Variants in AMPH observed in about 807,000 individuals in gnomAD.
The protein encoded by AMPH is amphiphysin.
A neutral mutation model predicts 99.1 loss-of-function variants in AMPH; 49 were observed. That is an observed-to-expected ratio of 0.49 (90% CI 0.39 to 0.63). The LOEUF is 0.63. AMPH is among the 20% of genes least tolerant of loss of function. The pLI is 0.00. For synonymous variants in AMPH, 314 were observed against 317.3 expected, an observed-to-expected ratio of 0.99 and a Z score of 0.11; for missense variants, 759 against 863.4, an observed-to-expected ratio of 0.88 and a Z score of 1.52.
intron 7 of AMPH, among the ~76,000 whole-genome samples, chr7:38,470,611 A>G (rs1787848088): frequency 6.6e-6 from 1 of 152,018 alleles, no homozygotes; most frequent in Non-Finnish European, 1.5e-5. Context: ...TAGTGCTCTC[A>G]AAGGTTCTGC....
rs761970943 is a variant in AMPH, at chr7:38,584,775, C to T, written c.69+46508G>A. 3.3e-5 allele frequency among the ~76,000 whole-genome samples: 5 copies of T among 152,354 alleles called. 1 individual carries two copies. The highest frequency in any genetic ancestry group is 4.1e-4 in the South Asian group (2 of 4,830). On this transcript the variant is annotated intron_variant, in intron 1 of 20. Coordinates refer to ENST00000356264, the MANE Select transcript of AMPH (RefSeq NM_001635.4). ...TCCGGGGCACACGGCCTGATTCCATCACTGCCTCAGCAGAGACCTGAGCAG... is the reference window on the plus strand; with the variant it reads ...TCCGGGGCACACGGCCTGATTCCATTACTGCCTCAGCAGAGACCTGAGCAG...
At chr7:38,535,703 A>T (rs4723767) in intron 1 of AMPH, among the ~76,000 whole-genome samples, 146,492 of 152,260 alleles carry the variant, frequency 0.96, 70,524 homozygotes, top group East Asian at 1. Context: ...CTGTGACAGA[A>T]CATCAGGTAT....
chr7:38,483,028 A>T (rs1032572226), intron 5 of AMPH, among the ~76,000 whole-genome samples: 4 of 152,106 alleles, frequency 2.6e-5, no homozygotes, highest in African/African-American at 9.7e-5. Context: ...AAGCAGGAAA[A>T]GGGGAGCTAC....
intron 11 of AMPH, among the ~76,000 whole-genome samples, chr7:38,459,060 C>T (rs764935079): frequency 2.6e-5 from 4 of 151,984 alleles, no homozygotes; most frequent in South Asian, 2.1e-4. Context: ...ATACAAAAAT[C>T]GGTAGCATTT....
At chr7:38,444,287 T>A (rs1180313202) in intron 11 of AMPH, among the ~76,000 whole-genome samples, 1 of 152,142 alleles carries the variant, frequency 6.6e-6, no homozygotes, top group Non-Finnish European at 1.5e-5. Flanking sequence ...CTGCTTTGAA[T>A]AGTATTTTCC....
intron 11 of AMPH, among the ~76,000 whole-genome samples, chr7:38,453,638 TA>T (rs1787119241): frequency 6.6e-6 from 1 of 152,168 alleles, no homozygotes; most frequent in Non-Finnish European, 1.5e-5. Flanking sequence ...AAAAAACATT[TA>T]AAAAGAAAGA....
chr7:38,499,145 G>T (rs546321228), intron 3 of AMPH, among the ~76,000 whole-genome samples: 1 of 152,146 alleles, frequency 6.6e-6, no homozygotes, highest in African/African-American at 2.4e-5. Flanking sequence ...CTCAATGCAC[G>T]TATCTATTAA....
At chr7:38,391,050 A>T (rs1014171333) in intron 19 of AMPH, among the ~76,000 whole-genome samples, 11 of 151,600 alleles carry the variant, frequency 7.3e-5, no homozygotes, top group Non-Finnish European at 1.3e-4. Flanking sequence ...GAAGAAAAAG[A>T]GCTGATTTTT....
intron 11 of AMPH, among the ~76,000 whole-genome samples, chr7:38,457,034 G>A (rs575931034): frequency 6.6e-6 from 1 of 152,294 alleles, no homozygotes; most frequent in African/African-American, 2.4e-5. Flanking sequence ...ACTACTACAT[G>A]TGGCCAAAAT....
chr7:38,510,010 C>T (rs62443505), intron 2 of AMPH, among the ~76,000 whole-genome samples: 15,244 of 152,188 alleles, frequency 0.1, 1,028 homozygotes, highest in Non-Finnish European at 0.15. Flanking sequence ...GCTATCATTA[C>T]TCCAGGCCTA....
At chr7:38,601,465 G>A (rs968009407) in intron 1 of AMPH, among the ~76,000 whole-genome samples, 1 of 152,134 alleles carries the variant, frequency 6.6e-6, no homozygotes, top group Admixed American at 6.5e-5. Flanking sequence ...GGGCCTTTAA[G>A]CTCAAACGGT....
intron 14 of AMPH, chr7:38,428,701 T>G: frequency 2.2e-6 from 1 of 456,734 alleles, no homozygotes; most frequent in Non-Finnish European, 4.4e-6. Flanking sequence ...TCTGGGTGAT[T>G]GGCAGGTTTG....
intron 1 of AMPH, among the ~76,000 whole-genome samples, chr7:38,554,316 C>T (rs2129046869): frequency 6.6e-6 from 1 of 152,294 alleles, no homozygotes; most frequent in Middle Eastern, 3.4e-3. Flanking sequence ...ATGTGTATGT[C>T]TCAGAAGAAT....
chr7:38,429,232 T>C, intron 14 of AMPH: 3 of 1,288,078 alleles, frequency 2.3e-6, no homozygotes, highest in Non-Finnish European at 3.0e-6. Flanking sequence ...CAAGCAGCAA[T>C]GGCAACTCCA....
chr7:38,598,422 C>T (rs1396988738), intron 1 of AMPH, among the ~76,000 whole-genome samples: 3 of 152,146 alleles, frequency 2.0e-5, no homozygotes, highest in Non-Finnish European at 4.4e-5. Flanking sequence ...CCTGCCTCAG[C>T]CTCCCAAGTA....
At chr7:38,385,293 A>T (rs183943848) in intron 20 of AMPH, among the ~76,000 whole-genome samples, 39 of 152,312 alleles carry the variant, frequency 2.6e-4, no homozygotes, top group African/African-American at 8.7e-4. Context: ...CAGGAATACC[A>T]TGTGAAAGCA....
chr7:38,524,467 T>C (rs1790087831), intron 2 of AMPH, among the ~76,000 whole-genome samples: 2 of 152,160 alleles, frequency 1.3e-5, no homozygotes, highest in South Asian at 2.1e-4. Flanking sequence ...AGTTTTGTCA[T>C]AGGCAAAATT....
intron 3 of AMPH, among the ~76,000 whole-genome samples, chr7:38,500,173 TC>T (rs1277533635): frequency 6.6e-6 from 1 of 152,128 alleles, no homozygotes; most frequent in Non-Finnish European, 1.5e-5. Flanking sequence ...GAGAGAAGGG[TC>T]CTGCAGTCAA....
chr7:38,592,923 A>G (rs1241763177), intron 1 of AMPH, among the ~76,000 whole-genome samples: 1 of 152,150 alleles, frequency 6.6e-6, no homozygotes, highest in Non-Finnish European at 1.5e-5. Context: ...TCTAGCCCCA[A>G]CTGCTGTTAA....
Sources: allele counts gnomAD v4.1 joint callset (sites outside exome capture counted in the v4.1 genomes callset), GRCh38; gene constraint gnomAD v4.1.1; transcripts MANE v1.5; gene names NCBI Gene and HGNC (gene_info 2026-07-23, HGNC 2026-07-21).